SNTG1: variants seen among roughly 807,000 people sequenced by gnomAD.
SNTG1 encodes gamma-1-syntrophin.
Under a neutral mutation model 74.7 loss-of-function variants are expected in SNTG1, and 39 were observed. That is an observed-to-expected ratio of 0.52 (90% CI 0.40 to 0.68). The LOEUF (loss-of-function observed/expected upper bound fraction) is 0.68, where lower values mean the gene tolerates loss of function less well. Among genes scored for constraint, SNTG1 ranks in the 30% least tolerant of loss-of-function variants. The probability of loss-of-function intolerance (pLI) is 0.00; values close to 1 mark genes in which losing one functional copy is unlikely to be tolerated. For missense variants in SNTG1, 685 were observed against 609.5 expected (o/e 1.12, Z -1.30); for synonymous variants, 254 against 217.1 (o/e 1.17, Z -1.49).
intron 1 of SNTG1, among the ~76,000 whole-genome samples, chr8:50,065,732 T>C (rs1820844973): frequency 6.6e-6 from 1 of 152,224 alleles, no homozygotes; most frequent in African/African-American, 2.4e-5. Context: ...GCTTAAGTTC[T>C]TAAATATGCT....
chr8:50,451,290 G>A (rs1379655953), intron 8 of SNTG1, among the ~76,000 whole-genome samples: 2 of 152,288 alleles, frequency 1.3e-5, no homozygotes, highest in East Asian at 1.9e-4. Flanking sequence ...GCATACAGGA[G>A]GATGTGCATA....
intron 1 of SNTG1, among the ~76,000 whole-genome samples, chr8:50,109,147 A>G (rs968353119): frequency 5.3e-5 from 8 of 152,292 alleles, no homozygotes; most frequent in East Asian, 3.9e-4. Flanking sequence ...CTGGAAGTTC[A>G]TAGGAAGCCA....
At chr8:50,137,091 G>A (rs190592292) in intron 1 of SNTG1, among the ~76,000 whole-genome samples, 1 of 152,130 alleles carries the variant, frequency 6.6e-6, no homozygotes, top group African/African-American at 2.4e-5. Context: ...CAGCAGAGTA[G>A]TTGCCACAAA....
chr8:50,716,189 T>C (rs2095474539), intron 17 of SNTG1, among the ~76,000 whole-genome samples: 1 of 152,174 alleles, frequency 6.6e-6, no homozygotes, highest in African/African-American at 2.4e-5. Context: ...CTTCTCAACA[T>C]AGAATTAACC....
intron 4 of SNTG1, among the ~76,000 whole-genome samples, chr8:50,428,968 A>G (rs1292926718): frequency 6.6e-6 from 1 of 152,122 alleles, no homozygotes; most frequent in Non-Finnish European, 1.5e-5. Context: ...AAAACTAAAA[A>G]TCATGAGTAA....
intron 13 of SNTG1, among the ~76,000 whole-genome samples, chr8:50,618,801 A>G (rs2094901561): frequency 6.6e-6 from 1 of 152,130 alleles, no homozygotes; most frequent in Non-Finnish European, 1.5e-5. Flanking sequence ...CCCTGTATAT[A>G]TAGAGTTCAC....
intron 1 of SNTG1, among the ~76,000 whole-genome samples, chr8:50,109,588 A>T (rs1357721316): frequency 6.6e-6 from 1 of 152,184 alleles, no homozygotes; most frequent in Non-Finnish European, 1.5e-5. Context: ...TAATGAATAG[A>T]ATACCCTACT....
rs183614981 is a variant in SNTG1, at chr8:50,189,909, T to C, written c.-28+17274T>C. 5.8e-4 allele frequency among the ~76,000 whole-genome samples: 88 copies of C among 152,298 alleles called. 3 individuals are homozygous for C. The South Asian group carries it at 9.5e-3, about 16-fold the overall frequency. ...TCCCAATTCTAAATTCTAATCTAAGTTAAATTCTGATCTAAGTTAATTCTT... is the reference window on the plus strand; with the variant it reads ...TCCCAATTCTAAATTCTAATCTAAGCTAAATTCTGATCTAAGTTAATTCTT... On this transcript the variant is annotated intron_variant, in intron 2 of 18. Transcript: ENST00000642720.
At chr8:50,354,320 A>G (rs1405686002) in intron 2 of SNTG1, among the ~76,000 whole-genome samples, 1 of 152,198 alleles carries the variant, frequency 6.6e-6, no homozygotes, top group Non-Finnish European at 1.5e-5. Context: ...AGCATGGTCA[A>G]TCTTTCTTTA....
chr8:50,675,293 C>G (rs932503655), intron 15 of SNTG1, among the ~76,000 whole-genome samples: 1 of 151,960 alleles, frequency 6.6e-6, no homozygotes, highest in Non-Finnish European at 1.5e-5. Context: ...ATGTGGCAGT[C>G]TAAGTTTCTT....
At chr8:49,915,624 G>T (rs1316057395) in intron 1 of SNTG1, among the ~76,000 whole-genome samples, 1 of 152,138 alleles carries the variant, frequency 6.6e-6, no homozygotes, top group Non-Finnish European at 1.5e-5. Flanking sequence ...GACCTTCAAA[G>T]AATCTATCAT....
chr8:50,354,389 G>A (rs939634478), intron 2 of SNTG1, among the ~76,000 whole-genome samples: 9 of 152,230 alleles, frequency 5.9e-5, no homozygotes, highest in South Asian at 4.1e-4. Flanking sequence ...AATACTCTAT[G>A]TAAAGTATTT....
At chr8:50,689,856 C>T (rs1047978645) in intron 15 of SNTG1, among the ~76,000 whole-genome samples, 7 of 152,134 alleles carry the variant, frequency 4.6e-5, no homozygotes, top group African/African-American at 7.2e-5. Flanking sequence ...TGGTAGAATA[C>T]GGCTGTGAAT....
chr8:50,308,383 A>C (rs1450137), intron 2 of SNTG1, among the ~76,000 whole-genome samples: 135,925 of 151,870 alleles, frequency 0.9, 62,757 homozygotes, highest in East Asian at 1. Context: ...AATGCCATGC[A>C]AGGCCTATAG....
At chr8:50,315,259 A>G (rs956629489) in intron 2 of SNTG1, among the ~76,000 whole-genome samples, 1 of 149,534 alleles carries the variant, frequency 6.7e-6, no homozygotes, top group Non-Finnish European at 1.5e-5. Flanking sequence ...TTTATTTCCC[A>G]TATGTTGGCT....
rs2085394666 is a variant in SNTG1, at chr8:50,227,591, C to T, written c.-28+54956C>T. Among the ~76,000 whole-genome samples, 3 of 152,068 alleles carry T rather than the reference C, an allele frequency of 2.0e-5. No individual in the cohort carries two copies. In the South Asian group the frequency reaches 6.2e-4, roughly 32 times the overall value. On this transcript the variant is annotated intron_variant, in intron 2 of 18. Transcript: ENST00000642720. ...CCCATTTGGAAGAAAAAAATTTCAT[C>T]ATCAGGTTGTAGAATGATTCTCCTC... is the stretch of plus-strand genomic sequence containing the variant.
chr8:50,142,826 C>G (rs1046177195), intron 1 of SNTG1, among the ~76,000 whole-genome samples: 2 of 152,126 alleles, frequency 1.3e-5, no homozygotes, highest in Non-Finnish European at 2.9e-5. Flanking sequence ...AATCCCAACA[C>G]TTTGGGAGGC....
At position 50,073,739 on chromosome 8, in the gene SNTG1, T is replaced by C. The variant is rs142257775; in HGVS notation, c.-102-98822T>C. Among the ~76,000 whole-genome samples the C allele has an allele frequency of 1.2e-3, 178 of 152,178 alleles. 5 individuals carry two copies. The East Asian group carries it at 0.022, about 19-fold the overall frequency. On this transcript the variant is annotated intron_variant, in intron 1 of 18. Coordinates refer to ENST00000642720, the MANE Select transcript of SNTG1 (RefSeq NM_018967.5). Reference sequence around the variant, plus strand: ...TGGAAAAAACATTAATCTCCTTGTATGTCTGCCTCACAGCTCTTGGGTATT... The same window carrying C: ...TGGAAAAAACATTAATCTCCTTGTACGTCTGCCTCACAGCTCTTGGGTATT...
chr8:50,674,083 T>G (rs1279969356), intron 15 of SNTG1, among the ~76,000 whole-genome samples: 1 of 152,182 alleles, frequency 6.6e-6, no homozygotes, highest in Non-Finnish European at 1.5e-5. Context: ...TTTGCCAGTA[T>G]TTTATTGAAG....
Sources: gnomAD v4.1 joint callset for allele counts (sites outside exome capture counted in the v4.1 genomes callset) on GRCh38, gnomAD v4.1.1 for gene constraint, MANE v1.5 for transcripts, NCBI Gene and HGNC (gene_info 2026-07-23, HGNC 2026-07-21) for gene names.